MARCHF1: variants seen among roughly 807,000 people sequenced by gnomAD.
The protein encoded by MARCHF1 is membrane associated ring-CH-type finger 1, also known as E3 ubiquitin-protein ligase MARCHF1.
Under a neutral mutation model 54.2 loss-of-function variants are expected in MARCHF1, and 40 were observed. The observed-to-expected ratio is 0.74, with a 90% confidence interval of 0.57 to 0.96. The LOEUF (loss-of-function observed/expected upper bound fraction) is 0.96, where lower values mean the gene tolerates loss of function less well. MARCHF1 is among the 40% of genes least tolerant of loss of function. The pLI is 0.00. For synonymous variants in MARCHF1, 236 were observed against 236.3 expected (o/e 1.00, Z 0.01); for missense variants, 586 against 656.5 (o/e 0.89, Z 1.17).
intron 1 of MARCHF1, among the ~76,000 whole-genome samples, chr4:164,256,124 A>C (rs1211217903): frequency 2.0e-5 from 3 of 152,054 alleles, no homozygotes; most frequent in Non-Finnish European, 2.9e-5. Context: ...TACCCTACAA[A>C]AATAAAAAAT....
At chr4:163,896,365 G>A (rs946171733) in intron 3 of MARCHF1, among the ~76,000 whole-genome samples, 1 of 152,102 alleles carries the variant, frequency 6.6e-6, no homozygotes, top group Non-Finnish European at 1.5e-5. Flanking sequence ...GTTGTACTCA[G>A]TATTGTGATC....
chr4:163,614,657 G>C (rs956846074), intron 5 of MARCHF1, among the ~76,000 whole-genome samples: 1 of 152,086 alleles, frequency 6.6e-6, no homozygotes, highest in Non-Finnish European at 1.5e-5. Flanking sequence ...GGTATAGTAG[G>C]CTAAATAATG....
chr4:164,335,533 G>A (rs1729710918), intron 1 of MARCHF1, among the ~76,000 whole-genome samples: 1 of 149,888 alleles, frequency 6.7e-6, no homozygotes, highest in African/African-American at 2.5e-5. Context: ...AGTGAGCCGA[G>A]ATTGTGCCAC....
At chr4:163,953,572 T>C (rs1166241569) in intron 3 of MARCHF1, among the ~76,000 whole-genome samples, 2 of 152,114 alleles carry the variant, frequency 1.3e-5, no homozygotes, top group African/African-American at 2.4e-5. Flanking sequence ...TACAAGAAAT[T>C]AATCAAGTTT....
chr4:163,858,125 A>C (rs1749819935), intron 3 of MARCHF1, among the ~76,000 whole-genome samples: 2 of 150,944 alleles, frequency 1.3e-5, no homozygotes, highest in African/African-American at 4.9e-5. Context: ...CATCATCCAC[A>C]TTGCAATCCA....
chr4:164,043,952 T>G (rs1754185972), intron 2 of MARCHF1, among the ~76,000 whole-genome samples: 5 of 152,098 alleles, frequency 3.3e-5, no homozygotes, highest in Non-Finnish European at 7.4e-5. Context: ...ATAGCAAGAG[T>G]CACCTTTACT....
At chr4:164,068,211 C>T (rs1754770197) in intron 2 of MARCHF1, among the ~76,000 whole-genome samples, 1 of 152,332 alleles carries the variant, frequency 6.6e-6, no homozygotes, top group African/African-American at 2.4e-5. Flanking sequence ...CCAGCAATCC[C>T]ATTGAGAGGT....
rs1296641313 is a variant in MARCHF1, at chr4:163,664,110, A to T, written c.162+36703T>A. 2.0e-5 allele frequency among the ~76,000 whole-genome samples: 3 copies of T among 152,136 alleles called. No homozygotes were observed. In the East Asian group the frequency reaches 5.8e-4, roughly 29 times the overall value. ...AATCTAAAGGCACTTTCAATGCTGT[A>T]AAAGCCTGACAAAATGTTTAAGAAA... On this transcript the variant is annotated intron_variant, in intron 5 of 9. Transcript: ENST00000514618.
At chr4:164,192,699 TAACAA>T in intron 1 of MARCHF1, among the ~76,000 whole-genome samples, 1 of 152,300 alleles carries the variant, frequency 6.6e-6, no homozygotes, top group South Asian at 2.1e-4. Flanking sequence ...CCAAACAAGA[TAACAA>T]AACAATAAAT....
intron 1 of MARCHF1, among the ~76,000 whole-genome samples, chr4:164,206,293 C>T (rs1438198802): frequency 1.3e-5 from 2 of 151,944 alleles, no homozygotes; most frequent in Non-Finnish European, 1.5e-5. Flanking sequence ...AAAAATTAGC[C>T]GGGCACGATA....
intron 2 of MARCHF1, among the ~76,000 whole-genome samples, chr4:164,070,339 C>A (rs1318594587): frequency 1.3e-5 from 2 of 152,042 alleles, no homozygotes; most frequent in African/African-American, 4.8e-5. Flanking sequence ...AAGTACCCTG[C>A]AAAAGTTGTG....
At chr4:164,377,042 G>A (rs943512096) in intron 1 of MARCHF1, among the ~76,000 whole-genome samples, 11 of 152,180 alleles carry the variant, frequency 7.2e-5, no homozygotes, top group Non-Finnish European at 1.6e-4. Flanking sequence ...ATTGAAGGCA[G>A]GCACAAGAAT....
intron 3 of MARCHF1, among the ~76,000 whole-genome samples, chr4:163,892,454 A>G (rs1268261510): frequency 2.6e-5 from 4 of 152,184 alleles, no homozygotes; most frequent in Middle Eastern, 3.4e-3. Context: ...ACTCCTTAGG[A>G]AATGCTGCTT....
At position 164,176,972 on chromosome 4, in the gene MARCHF1, CTCTCTCTCTATATATAT is replaced by C. The variant is rs1730696045; in HGVS notation, c.-322-65327_-322-65311del. Among the ~76,000 whole-genome samples the C allele has an allele frequency of 1.1e-4, 6 of 56,820 alleles. 1 individual carries two copies. Among genetic ancestry groups the C allele is most frequent in the Non-Finnish European group, 1.6e-4 (5 of 32,234 alleles). 37.3% of individuals were successfully genotyped at this position (56,820 alleles called of 152,430 possible). A position where few individuals can be genotyped will look rare whatever the true frequency, so the allele number is the denominator to read the frequency against. On this transcript the variant is annotated intron_variant, in intron 1 of 9. Transcript: ENST00000514618. ...TCTCTCTCTCTCTCTCTCTCTCTCT[CTCTCTCTCTATATATAT>C]ATATATATATATATATATATACAAA...
At chr4:163,793,966 G>A (rs1186354520) in intron 4 of MARCHF1, among the ~76,000 whole-genome samples, 1 of 152,132 alleles carries the variant, frequency 6.6e-6, no homozygotes, top group Non-Finnish European at 1.5e-5. Flanking sequence ...CTTTAACTCG[G>A]TGTCTGAGGG....
intron 2 of MARCHF1, among the ~76,000 whole-genome samples, chr4:164,030,996 T>C (rs996167422): frequency 6.6e-6 from 1 of 152,122 alleles, no homozygotes; most frequent in African/African-American, 2.4e-5. Context: ...TTTCTAAATA[T>C]ACGATCATGT....
intron 1 of MARCHF1, among the ~76,000 whole-genome samples, chr4:164,233,870 G>C (rs889712823): frequency 5.3e-5 from 8 of 152,092 alleles, no homozygotes; most frequent in African/African-American, 1.9e-4. Context: ...AGAAAATGGT[G>C]ACATAAAATC....
chr4:163,779,973 C>T (rs1195525895), intron 4 of MARCHF1, among the ~76,000 whole-genome samples: 1 of 152,198 alleles, frequency 6.6e-6, no homozygotes, highest in Non-Finnish European at 1.5e-5. Context: ...GCTAGTTGGG[C>T]AGTGCATCAA....
chr4:164,023,292 C>T (rs1002407616), intron 2 of MARCHF1, among the ~76,000 whole-genome samples: 1 of 152,150 alleles, frequency 6.6e-6, no homozygotes, highest in Non-Finnish European at 1.5e-5. Context: ...GGGGGCTCCT[C>T]CAAGGCCCAG....
Sources: allele counts gnomAD v4.1 joint callset (sites outside exome capture counted in the v4.1 genomes callset), GRCh38; gene constraint gnomAD v4.1.1; transcripts MANE v1.5; gene names NCBI Gene and HGNC (gene_info 2026-07-23, HGNC 2026-07-21).